CCDC7: variants seen among roughly 807,000 people sequenced by gnomAD.
CCDC7 encodes coiled-coil domain-containing protein 7.
In CCDC7, 183 loss-of-function variants were observed where a neutral mutation model predicts 196.9. The observed-to-expected ratio is 0.93, with a 90% CI of 0.82 to 1.05. The LOEUF (loss-of-function observed/expected upper bound fraction) is 1.05. CCDC7 is among the 50% of genes least tolerant of loss of function. The probability of loss-of-function intolerance (pLI) is 0.00; values close to 1 mark genes in which losing one functional copy is unlikely to be tolerated. For synonymous variants in CCDC7, 525 were observed against 484.6 expected (o/e 1.08, Z -1.10); for missense variants, 1,540 against 1,482.2 (o/e 1.04, Z -0.64).
rs1315364563 is a variant in CCDC7, at chr10:32,635,040, T to A, written c.1913-17T>A. On this transcript the variant is annotated splice_polypyrimidine_tract_variant and intron_variant, in intron 19 of 41. Coordinates refer to ENST00000639629, the Ensembl canonical transcript of CCDC7. Reference sequence around the variant, plus strand: ...ACATATACAGAAGTTTTATCATAGATCTGTTTTTCTGTTCAGAGACTCTTA... The same window carrying A: ...ACATATACAGAAGTTTTATCATAGAACTGTTTTTCTGTTCAGAGACTCTTA... The A allele has an allele frequency of 1.3e-5, 4 of 318,996 alleles. No homozygotes were observed. The highest frequency in any genetic ancestry group is 2.2e-5 in the Non-Finnish European group (4 of 181,868). The allele number at this position is 318,996 out of a possible 1,614,324, so 19.8% of individuals were successfully genotyped here.
chr10:32,548,733 G>A (rs1589757139), intron 13 of CCDC7, among the ~76,000 whole-genome samples: 1 of 152,188 alleles, frequency 6.6e-6, no homozygotes, highest in African/African-American at 2.4e-5. Context: ...CACTGCAAAT[G>A]CTATTAATTC....
intron 8 of CCDC7, among the ~76,000 whole-genome samples, chr10:32,480,382 A>G (rs1417305941): frequency 6.6e-6 from 1 of 151,768 alleles, no homozygotes; most frequent in African/African-American, 2.4e-5. Flanking sequence ...GAGTAGAGTG[A>G]TGTGATCATA....
intron 33 of CCDC7, 40 bp downstream of exon 34, chr10:32,834,938 AT>A: frequency 1.2e-6 from 1 of 840,450 alleles, no homozygotes; most frequent in Non-Finnish European, 1.9e-6. Context: ...TTAATGGCTT[AT>A]TTAGCTCTGA....
chr10:32,536,152 C>T (rs925704044), intron 11 of CCDC7, among the ~76,000 whole-genome samples: 1 of 152,010 alleles, frequency 6.6e-6, no homozygotes, highest in Admixed American at 6.6e-5. Flanking sequence ...TCTAACTACC[C>T]GTTTGCTTGA....
At chr10:32,741,128 A>G (rs919038110) in intron 28 of CCDC7, among the ~76,000 whole-genome samples, 1 of 152,220 alleles carries the variant, frequency 6.6e-6, no homozygotes, top group East Asian at 1.9e-4. Context: ...TAATATTGAC[A>G]TTTATTTTGA....
At chr10:32,843,079 C>A (rs11009112) in intron 33 of CCDC7, among the ~76,000 whole-genome samples, 2,889 of 151,272 alleles carry the variant, frequency 0.019, 95 homozygotes, top group African/African-American at 0.066. Context: ...TCCCCAAAAA[C>A]CTATTGAAAT....
At chr10:32,549,927 T>C (rs1160656579) in intron 13 of CCDC7, among the ~76,000 whole-genome samples, 1 of 152,126 alleles carries the variant, frequency 6.6e-6, no homozygotes, top group Non-Finnish European at 1.5e-5. Context: ...AATTTTAGGA[T>C]TGTTTTTTCT....
chr10:32,742,075 T>G (rs2085948228), intron 28 of CCDC7, among the ~76,000 whole-genome samples: 2 of 152,218 alleles, frequency 1.3e-5, no homozygotes, highest in East Asian at 3.8e-4. Flanking sequence ...TTAGAATTTT[T>G]TGTTCCAATG....
chr10:32,663,127 G>A (rs568698438), intron 20 of CCDC7, among the ~76,000 whole-genome samples: 25 of 152,248 alleles, frequency 1.6e-4, no homozygotes, highest in Admixed American at 1.4e-3. Flanking sequence ...AAGGAGGTCT[G>A]CAGTGACACA....
intron 21 of CCDC7, among the ~76,000 whole-genome samples, chr10:32,683,812 G>A (rs775264540): frequency 1.3e-5 from 2 of 152,158 alleles, no homozygotes; most frequent in Non-Finnish European, 2.9e-5. Flanking sequence ...GCAGAAGTAG[G>A]GTGGCTGCAT....
intron 28 of CCDC7, among the ~76,000 whole-genome samples, chr10:32,743,683 T>G (rs1407631179): frequency 6.6e-6 from 1 of 152,138 alleles, no homozygotes. Flanking sequence ...TAAAGACACA[T>G]GCACACGTAT....
intron 9 of CCDC7, chr10:32,511,255 G>GTGT: frequency 1.5e-6 from 1 of 658,666 alleles, no homozygotes; most frequent in South Asian, 1.9e-5. Flanking sequence ...ATTATTCTGT[G>GTGT]GGGGGCGGGG....
chr10:32,482,591 G>C (rs12569929), intron 8 of CCDC7, among the ~76,000 whole-genome samples: 20,987 of 152,050 alleles, frequency 0.14, 1,757 homozygotes, highest in East Asian at 0.25. Flanking sequence ...TTGGTGTGCT[G>C]CACCCAGTGA....
At chr10:32,473,786 T>G (rs955513512) in intron 7 of CCDC7, among the ~76,000 whole-genome samples, 181 bp from the exon 9 acceptor site, 3 of 152,212 alleles carry the variant, frequency 2.0e-5, no homozygotes. Context: ...TTACACACAT[T>G]CTTTTAAATA....
At chr10:32,738,473 CTTTT>C (rs33944221) in intron 28 of CCDC7, among the ~76,000 whole-genome samples, 1 of 109,678 alleles carries the variant, frequency 9.1e-6, no homozygotes, top group Non-Finnish European at 1.7e-5. Flanking sequence ...GTTTCTTTCA[CTTTT>C]TTTTTTTTTT....
intron 13 of CCDC7, among the ~76,000 whole-genome samples, chr10:32,555,182 A>T (rs551183559): frequency 6.6e-6 from 1 of 152,112 alleles, no homozygotes; most frequent in South Asian, 2.1e-4. Flanking sequence ...TTTTTAATAT[A>T]CTGATTTCCT....
chr10:32,671,872 C>G lies in CCDC7; in HGVS notation c.2122+7711C>G, dbSNP rs543669202. Among the ~76,000 whole-genome samples, 12 of 152,210 alleles carry G rather than the reference C, an allele frequency of 7.9e-5. No homozygotes were observed. In the South Asian group the frequency reaches 2.5e-3, roughly 32 times the overall value. On this transcript the variant is annotated intron_variant, in intron 21 of 41. Transcript: ENST00000639629. ...GGTGATGACAAAGATTTCGAGGATC[C>G]TCAGCAGCCAATGCTGTGAATGTTT...
chr10:32,599,986 C>G (rs964060990), intron 18 of CCDC7, among the ~76,000 whole-genome samples: 5 of 152,104 alleles, frequency 3.3e-5, no homozygotes, highest in Admixed American at 6.6e-5. Context: ...ACTGAGCTCT[C>G]TTTTCTGTTC....
At chr10:32,707,851 A>G (rs1240695619) in intron 24 of CCDC7, among the ~76,000 whole-genome samples, 2 of 152,150 alleles carry the variant, frequency 1.3e-5, no homozygotes, top group Non-Finnish European at 2.9e-5. Context: ...AACATCCCAT[A>G]CTCATGGGCA....
Sources: allele counts gnomAD v4.1 joint callset (sites outside exome capture counted in the v4.1 genomes callset), GRCh38; gene constraint gnomAD v4.1.1; transcripts MANE v1.5; gene names NCBI Gene and HGNC (gene_info 2026-07-23, HGNC 2026-07-21).